The following PDE3A variants were observed in gnomAD, a reference collection of about 807,000 sequenced individuals.
PDE3A encodes phosphodiesterase 3A.
In PDE3A, 43 loss-of-function variants were observed where a neutral mutation model predicts 98.3. The ratio of observed to expected loss-of-function variants is 0.44; its 90% CI spans 0.34 to 0.56. PDE3A has a LOEUF of 0.56. Among genes scored for constraint, PDE3A ranks in the 20% least tolerant of loss-of-function variants. The pLI, the probability that PDE3A is intolerant of heterozygous loss-of-function variation, is 0.01. For missense variants in PDE3A, 1,427 were observed against 1,440.7 expected (o/e 0.99, Z 0.15); for synonymous variants, 663 against 567.9 (o/e 1.17, Z -2.38).
At chr12:20,572,173 T>A (rs1942816000) in intron 2 of PDE3A, 1 of 1,228,648 alleles carries the variant, frequency 8.1e-7, no homozygotes, top group Admixed American at 2.3e-5. Context: ...TGGGAAAAGG[T>A]ATGAATAACC....
intron 15 of PDE3A, among the ~76,000 whole-genome samples, chr12:20,657,123 A>G (rs181953697): frequency 4.9e-4 from 75 of 152,326 alleles, no homozygotes; most frequent in African/African-American, 1.6e-3. Context: ...TTTCTTTACA[A>G]CCAAGAAAAT....
intron 1 of PDE3A, among the ~76,000 whole-genome samples, chr12:20,496,258 A>T (rs2121064944): frequency 6.6e-6 from 1 of 152,338 alleles, no homozygotes; most frequent in South Asian, 2.1e-4. Flanking sequence ...AAATGAAGTG[A>T]TGAAGTGATA....
chr12:20,584,015 A>G (rs1234681445), intron 2 of PDE3A, among the ~76,000 whole-genome samples: 1 of 152,146 alleles, frequency 6.6e-6, no homozygotes, highest in Non-Finnish European at 1.5e-5. Flanking sequence ...AATGACCACA[A>G]CCTTCAAGTT....
intron 2 of PDE3A, among the ~76,000 whole-genome samples, chr12:20,581,650 T>G (rs1476440336): frequency 1.4e-5 from 2 of 148,040 alleles, no homozygotes; most frequent in Non-Finnish European, 3.0e-5. Flanking sequence ...TCTCGCTCTG[T>G]CGCCCAGGCT....
At chr12:20,516,033 A>ATT (rs200516348) in intron 1 of PDE3A, among the ~76,000 whole-genome samples, 22 of 138,550 alleles carry the variant, frequency 1.6e-4, no homozygotes, top group African/African-American at 4.7e-4. Flanking sequence ...CGCCCGGCCT[A>ATT]TTTTTTTTTT....
chr12:20,388,309 G>T (rs373743358), intron 1 of PDE3A, among the ~76,000 whole-genome samples: 9 of 152,026 alleles, frequency 5.9e-5, no homozygotes, highest in Non-Finnish European at 1.2e-4. Flanking sequence ...AGTGGTACAT[G>T]ATCCTCCAAG....
chr12:20,397,631 G>A (rs1241062167), intron 1 of PDE3A, among the ~76,000 whole-genome samples: 1 of 151,840 alleles, frequency 6.6e-6, no homozygotes, highest in African/African-American at 2.4e-5. Context: ...TAATATTATT[G>A]ACTGATACTT....
chr12:20,592,380 G>C (rs952099363), intron 2 of PDE3A, among the ~76,000 whole-genome samples: 1 of 152,100 alleles, frequency 6.6e-6, no homozygotes, highest in African/African-American at 2.4e-5. Flanking sequence ...GTAAATAAAA[G>C]GAATTCGAAC....
chr12:20,475,733 A>T (rs987154636), intron 1 of PDE3A, among the ~76,000 whole-genome samples: 5 of 152,156 alleles, frequency 3.3e-5, no homozygotes, highest in African/African-American at 9.6e-5. Context: ...ACACACACAC[A>T]CATACACAAT....
At chr12:20,676,459 C>T (rs1238168671) in intron 15 of PDE3A, among the ~76,000 whole-genome samples, 1 of 145,970 alleles carries the variant, frequency 6.9e-6, no homozygotes, top group Non-Finnish European at 1.5e-5. Context: ...TTACTAGATA[C>T]TTTTCTTTTG....
intron 1 of PDE3A, among the ~76,000 whole-genome samples, chr12:20,396,062 A>C (rs896327461): frequency 6.6e-6 from 1 of 152,090 alleles, no homozygotes; most frequent in African/African-American, 2.4e-5. Flanking sequence ...CACTTGGCCT[A>C]TTCTTCCATA....
chr12:20,594,330 G>C (rs1943413333), intron 2 of PDE3A, among the ~76,000 whole-genome samples: 1 of 152,136 alleles, frequency 6.6e-6, no homozygotes, highest in Admixed American at 6.6e-5. Flanking sequence ...AGTGGTAGGA[G>C]ACTGGTATTA....
chr12:20,680,184 A>C lies in PDE3A; in HGVS notation c.3339A>C (p.Ser1113=). 6.2e-7 allele frequency: 1 copy of C among 1,613,960 alleles called. No homozygotes were observed. The highest frequency in any genetic ancestry group is 8.5e-7 in the Non-Finnish European group (1 of 1,179,882). The change falls in exon 16 of 16, where the codon TCA becomes TCC. Residue 1113 remains serine (S), a synonymous_variant. Transcript: ENST00000359062. ...ACCAGACCCCTCAGTCGCACTCTTC[A>C]GAACAGATCCAGGCTATCAAGGAAG... ...SLDQTPQSHS[S]EQIQAIKEEE... is the part of the protein sequence containing the mutation.
intron 1 of PDE3A, among the ~76,000 whole-genome samples, chr12:20,418,373 C>T (rs1344114854): frequency 1.3e-5 from 2 of 152,050 alleles, no homozygotes; most frequent in Non-Finnish European, 2.9e-5. Context: ...TGACTGATTC[C>T]ATTGGTTCTG....
At chr12:20,614,105 T>C (rs537972581) in intron 3 of PDE3A, among the ~76,000 whole-genome samples, 1 of 151,968 alleles carries the variant, frequency 6.6e-6, no homozygotes, top group Non-Finnish European at 1.5e-5. Context: ...GGTTCTTTAC[T>C]CTTTGATTCT....
In PDE3A at chr12:20,397,561, T is replaced by G. The variant is rs73234019; in HGVS notation, c.960+27317T>G. ...TACATGTATAATATAGTAAGATGTA[T>G]ATGATAATATATGTTCAAGTTAATA... On this transcript the variant is annotated intron_variant, in intron 1 of 15. Transcript: ENST00000359062. Among the ~76,000 whole-genome samples, 503 of 152,148 alleles carry G rather than the reference T, an allele frequency of 3.3e-3. 2 individuals are homozygous for G. The highest frequency in any genetic ancestry group is 0.011 in the African/African-American group (475 of 41,552).
chr12:20,525,175 G>A (rs980569880), intron 1 of PDE3A, among the ~76,000 whole-genome samples: 18 of 152,058 alleles, frequency 1.2e-4, no homozygotes, highest in Admixed American at 7.9e-4. Flanking sequence ...CCGGAGCCTT[G>A]GGCAAGTTAT....
At chr12:20,425,739 A>G (rs1209741742) in intron 1 of PDE3A, among the ~76,000 whole-genome samples, 1 of 152,168 alleles carries the variant, frequency 6.6e-6, no homozygotes, top group Non-Finnish European at 1.5e-5. Flanking sequence ...GACAATGATG[A>G]TATTATATTA....
chr12:20,448,621 T>A (rs1945002992), intron 1 of PDE3A, among the ~76,000 whole-genome samples: 1 of 152,300 alleles, frequency 6.6e-6, no homozygotes, highest in Middle Eastern at 3.4e-3. Context: ...TTTTCATGAA[T>A]TTGGATATGA....
Sources: allele counts gnomAD v4.1 joint callset (sites outside exome capture counted in the v4.1 genomes callset), GRCh38; gene constraint gnomAD v4.1.1; transcripts MANE v1.5; gene names NCBI Gene and HGNC (gene_info 2026-07-23, HGNC 2026-07-21).